Variants in LRRC3B observed in about 807,000 individuals in gnomAD.
LRRC3B encodes leucine rich repeat containing 3B.
Under a neutral mutation model 12.8 loss-of-function variants are expected in LRRC3B, and 2 were observed. The ratio of observed to expected loss-of-function variants is 0.16; its 90% confidence interval spans 0.06 to 0.49. LRRC3B has a LOEUF of 0.49. Among genes scored for constraint, LRRC3B ranks in the 20% least tolerant of loss-of-function variants. The pLI, the probability that LRRC3B is intolerant of heterozygous loss-of-function variation, is 0.96. For synonymous variants in LRRC3B, 132 were observed against 122.0 expected (o/e 1.08, Z -0.54); for missense variants, 189 against 319.4 (o/e 0.59, Z 3.11).
At chr3:26,701,644 C>T (rs926050415) in intron 1 of LRRC3B, among the ~76,000 whole-genome samples, 4 of 152,146 alleles carry the variant, frequency 2.6e-5, no homozygotes, top group East Asian at 1.9e-4. Context: ...ACCCCAACAT[C>T]GAAACATCAC....
intron 1 of LRRC3B, among the ~76,000 whole-genome samples, chr3:26,693,365 G>C (rs1314062829): frequency 2.0e-5 from 3 of 150,788 alleles, no homozygotes; most frequent in Admixed American, 6.6e-5. Flanking sequence ...TCAAGAGCAG[G>C]AACATGCAAG....
At chr3:26,696,485 T>C (rs1700321098) in intron 1 of LRRC3B, among the ~76,000 whole-genome samples, 1 of 152,198 alleles carries the variant, frequency 6.6e-6, no homozygotes, top group Non-Finnish European at 1.5e-5. Context: ...ATTCTGTAAA[T>C]TTGATCAGAC....
intron 1 of LRRC3B, among the ~76,000 whole-genome samples, chr3:26,647,656 CG>C (rs1368414876): frequency 2.0e-5 from 3 of 152,154 alleles, no homozygotes; most frequent in Non-Finnish European, 1.5e-5. Flanking sequence ...AAAGATACGG[CG>C]TTTCTGACAC....
At chr3:26,708,102 A>C (rs1461160636) in intron 1 of LRRC3B, among the ~76,000 whole-genome samples, 1 of 152,110 alleles carries the variant, frequency 6.6e-6, no homozygotes, top group Non-Finnish European at 1.5e-5. Context: ...CTTTGTATTT[A>C]TCCATCTGGG....
In LRRC3B at chr3:26,707,225, C is replaced by G. The variant is rs188570943; in HGVS notation, c.-160-2288C>G. Among the ~76,000 whole-genome samples, 8 of 147,660 alleles carry G rather than the reference C, an allele frequency of 5.4e-5. No individual in the cohort carries two copies. The East Asian group carries it at 1.4e-3, about 26-fold the overall frequency. On this transcript the variant is annotated intron_variant, in intron 1 of 1. Coordinates refer to ENST00000396641, the Ensembl canonical transcript of LRRC3B. ...AAAAAAAAAAAAAAAAATAGCTGGG[C>G]GTGGTGGTGTGTGCCTATAGTTCCA...
intron 1 of LRRC3B, among the ~76,000 whole-genome samples, chr3:26,667,887 A>G (rs886491458): frequency 6.7e-6 from 1 of 150,288 alleles, no homozygotes; most frequent in Non-Finnish European, 1.5e-5. Flanking sequence ...TGGATTACCA[A>G]TTTTTTTTTA....
chr3:26,661,222 G>A (rs1699485489), intron 1 of LRRC3B, among the ~76,000 whole-genome samples: 1 of 152,162 alleles, frequency 6.6e-6, no homozygotes, highest in South Asian at 2.1e-4. Flanking sequence ...GGCTCCCAAT[G>A]TGCAGTCAAA....
intron 1 of LRRC3B, among the ~76,000 whole-genome samples, chr3:26,627,242 A>G (rs1464194595): frequency 6.6e-6 from 1 of 152,190 alleles, no homozygotes; most frequent in Non-Finnish European, 1.5e-5. Flanking sequence ...CTGTAGCTGT[A>G]GTACCAGGAT....
chr3:26,702,837 G>GA (rs1233176016), intron 1 of LRRC3B, among the ~76,000 whole-genome samples: 2 of 152,100 alleles, frequency 1.3e-5, no homozygotes, highest in Non-Finnish European at 2.9e-5. Flanking sequence ...ATGGAGAACA[G>GA]AAAAAAACTT....
intron 1 of LRRC3B, among the ~76,000 whole-genome samples, chr3:26,674,382 T>C (rs1699815189): frequency 6.6e-6 from 1 of 152,252 alleles, no homozygotes; most frequent in South Asian, 2.1e-4. Context: ...GTTTAAGCTT[T>C]TGACTAATTT....
intron 1 of LRRC3B, among the ~76,000 whole-genome samples, chr3:26,669,503 G>T (rs1249676794): frequency 6.6e-6 from 1 of 152,106 alleles, no homozygotes; most frequent in Non-Finnish European, 1.5e-5. Context: ...GAAATAAGGA[G>T]ATGAATATTA....
At chr3:26,683,926 G>A (rs1700021776) in intron 1 of LRRC3B, among the ~76,000 whole-genome samples, 1 of 152,168 alleles carries the variant, frequency 6.6e-6, no homozygotes, top group African/African-American at 2.4e-5. Context: ...TCCTTTTTGA[G>A]CATAAGTCAT....
At chr3:26,688,852 T>C (rs1319171682) in intron 1 of LRRC3B, among the ~76,000 whole-genome samples, 1 of 152,208 alleles carries the variant, frequency 6.6e-6, no homozygotes, top group Non-Finnish European at 1.5e-5. Context: ...GTACAGTTTT[T>C]AACCACTTTG....
At chr3:26,698,142 CAGT>C (rs1700365857) in intron 1 of LRRC3B, among the ~76,000 whole-genome samples, 2 of 152,154 alleles carry the variant, frequency 1.3e-5, no homozygotes, top group South Asian at 4.2e-4. Context: ...GTGGTGGTGG[CAGT>C]AGTACTAGGA....
chr3:26,643,501 T>C (rs972101232), intron 1 of LRRC3B, among the ~76,000 whole-genome samples: 84 of 152,096 alleles, frequency 5.5e-4, no homozygotes, highest in Non-Finnish European at 8.8e-5. Context: ...CTCCCAGTTT[T>C]CCACCCACCC....
At chr3:26,702,538 C>T (rs573493418) in intron 1 of LRRC3B, among the ~76,000 whole-genome samples, 3 of 152,144 alleles carry the variant, frequency 2.0e-5, no homozygotes, top group Non-Finnish European at 4.4e-5. Context: ...CAGTTTTCTC[C>T]TCATTGAGCT....
intron 1 of LRRC3B, among the ~76,000 whole-genome samples, chr3:26,636,897 TC>T (rs1378625344): frequency 5.5e-4 from 50 of 90,106 alleles, no homozygotes; most frequent in East Asian, 1.8e-3. Flanking sequence ...TTTCTCTCTC[TC>T]TCTCTTTCTC....
intron 1 of LRRC3B, among the ~76,000 whole-genome samples, chr3:26,685,522 TC>T (rs1209194041): frequency 2.7e-5 from 1 of 37,410 alleles, no homozygotes; most frequent in East Asian, 9.0e-4. Flanking sequence ...TCTCTCTCTC[TC>T]TATATATATA....
At chr3:26,695,404 G>A (rs1700288831) in intron 1 of LRRC3B, among the ~76,000 whole-genome samples, 1 of 152,118 alleles carries the variant, frequency 6.6e-6, no homozygotes, top group South Asian at 2.1e-4. Flanking sequence ...GTGAGCGCCT[G>A]TAGTCCCAGC....
Sources: gnomAD v4.1 joint callset for allele counts (sites outside exome capture counted in the v4.1 genomes callset) on GRCh38, gnomAD v4.1.1 for gene constraint, MANE v1.5 for transcripts, NCBI Gene and HGNC (gene_info 2026-07-23, HGNC 2026-07-21) for gene names.